Variants in PARP14 observed in about 807,000 individuals in gnomAD.
The protein encoded by PARP14 is protein mono-ADP-ribosyltransferase PARP14.
A neutral mutation model predicts 154.2 loss-of-function variants in PARP14; 59 were observed. That is an observed-to-expected ratio of 0.38 (90% confidence interval 0.31 to 0.48). PARP14 has a LOEUF of 0.48. PARP14 is among the 20% of genes least tolerant of loss of function. The probability of loss-of-function intolerance (pLI) is 0.98; values close to 1 mark genes in which losing one functional copy is unlikely to be tolerated. For synonymous variants in PARP14, 720 were observed against 780.5 expected, an observed-to-expected ratio of 0.92 and a Z score of 1.29; for missense variants, 1,734 against 2,131.6, an observed-to-expected ratio of 0.81 and a Z score of 3.67.
intron 1 of PARP14, among the ~76,000 whole-genome samples, chr3:122,682,859 T>C (rs1938256375): frequency 6.6e-6 from 1 of 151,996 alleles, no homozygotes; most frequent in Non-Finnish European, 1.5e-5. Flanking sequence ...GAGACCATCC[T>C]TGAGCAACAT....
intron 5 of PARP14, among the ~76,000 whole-genome samples, chr3:122,698,114 C>T (rs1457316100): frequency 1.3e-5 from 2 of 152,166 alleles, no homozygotes; most frequent in Admixed American, 1.3e-4. Context: ...TGCCCAGGCT[C>T]AGGGCTGCCA....
At chr3:122,709,498 A>G (rs145682589) in intron 9 of PARP14, among the ~76,000 whole-genome samples, 2 of 152,314 alleles carry the variant, frequency 1.3e-5, no homozygotes, top group African/African-American at 4.8e-5. Context: ...TTGTGCTGCT[A>G]TAAACATGTG....
chr3:122,685,163 T>C (rs375480179), intron 1 of PARP14, 22 bp from the exon 2 acceptor site: 12 of 1,606,554 alleles, frequency 7.5e-6, no homozygotes, highest in Non-Finnish European at 1.0e-5. Flanking sequence ...TTTGTCTTTT[T>C]TCCCCCCTTT....
intron 4 of PARP14, among the ~76,000 whole-genome samples, chr3:122,693,850 AAAAAAGAAAAGAAAAG>A (rs1169245359): frequency 6.8e-6 from 1 of 148,086 alleles, no homozygotes; most frequent in African/African-American, 2.5e-5. Context: ...CTGAAAAAAA[AAAAAAGAAAAGAAAAG>A]AAAAAGAAAA....
At chr3:122,694,272 G>A (rs1325536812) in intron 4 of PARP14, among the ~76,000 whole-genome samples, 2 of 152,094 alleles carry the variant, frequency 1.3e-5, no homozygotes, top group Non-Finnish European at 2.9e-5. Context: ...TATTCCATCT[G>A]CTTGACATAG....
chr3:122,713,873 G>T lies in PARP14; in HGVS notation c.3771G>T (p.Gly1257=). The part of the protein sequence containing the change: ...STSNSFNLKA[G]VSKAILECAG... ...TATCATCTTGATTTTCTCATGTAGG[G>T]GTCTCCAAAGCAATTTTAGAATGTG... Residue 1257 remains glycine, a splice_region_variant and synonymous_variant, in exon 11 of 17, where the codon GGG becomes GGT. Coordinates refer to ENST00000474629, the MANE Select transcript of PARP14 (RefSeq NM_017554.3). The T allele has an allele frequency of 6.2e-7, 1 of 1,603,646 alleles. No individual in the cohort carries two copies. Among genetic ancestry groups the T allele is most frequent in the Non-Finnish European group, 8.5e-7 (1 of 1,170,634 alleles).
chr3:122,701,683 TAGTC>T lies in PARP14; in HGVS notation c.3081+52_3081+55del. 4.5e-6 allele frequency: 6 copies of T among 1,321,928 alleles called. No individual in the cohort carries two copies. The highest frequency in any genetic ancestry group is 6.2e-6 in the Non-Finnish European group (6 of 967,572). 81.9% of individuals were successfully genotyped at this position (1,321,928 alleles called of 1,614,324 possible). On this transcript the variant is annotated intron_variant, in intron 6 of 16. Transcript: ENST00000474629. The surrounding 1 kb of genome is among the most constrained non-coding windows in gnomAD (Gnocchi z 4.0). ...ACCACCAGGGCACTGTGACTTTACT[TAGTC>T]AGTGGCTCTCTCATGGAGGGCTGAA... is the stretch of plus-strand genomic sequence containing the variant.
Position 122,713,476 on chromosome 3 carries a change from T to C in PARP14, c.3672T>C (p.Ile1224=). The stretch of plus-strand genomic sequence containing the variant: ...ATTCAGGTGTGTATGAAATGAAGAT[T>C]GGCTCCATCATCTTCCAGGTGGCTT... ...SPDSGVYEMK[I]GSIIFQVASG... is the part of the protein sequence containing the mutation. Residue 1224 remains isoleucine, a synonymous_variant, in exon 10 of 17, where the codon ATT becomes ATC. Coordinates refer to ENST00000474629, the MANE Select transcript of PARP14 (RefSeq NM_017554.3). 3 of 1,612,818 alleles carry C rather than the reference T, an allele frequency of 1.9e-6. No individual in the cohort carries two copies. The highest frequency in any genetic ancestry group is 2.5e-6 in the Non-Finnish European group (3 of 1,178,852).
intron 9 of PARP14, among the ~76,000 whole-genome samples, chr3:122,710,388 G>A (rs1290582404): frequency 6.6e-6 from 1 of 152,028 alleles, no homozygotes; most frequent in Non-Finnish European, 1.5e-5. Flanking sequence ...TTTATTTCTT[G>A]ACCCTCTATT....
intron 15 of PARP14, chr3:122,720,721 TC>T: frequency 2.2e-6 from 1 of 458,796 alleles, no homozygotes; most frequent in Non-Finnish European, 4.3e-6. Context: ...ATGCAGAGGC[TC>T]CTTAGATCAG....
chr3:122,710,830 T>C (rs1380787015), intron 9 of PARP14, among the ~76,000 whole-genome samples: 1 of 146,598 alleles, frequency 6.8e-6, no homozygotes, highest in Non-Finnish European at 1.5e-5. Context: ...TTTATTTATT[T>C]ATTTATTTAT....
Position 122,699,519 on chromosome 3 carries a change from T to G in PARP14, c.965T>G (p.Phe322Cys), listed in dbSNP as rs748042003. The G allele has an allele frequency of 6.2e-7, 1 of 1,613,996 alleles. No homozygotes were observed. Among genetic ancestry groups the G allele is most frequent in the Non-Finnish European group, 8.5e-7 (1 of 1,179,852 alleles). ...EKPLIKLPAP[F>C]EESLDLPLWK... ...CCTCTGATCAAGCTTCCAGCACCAT[T>G]TGAAGAGTCACTAGATCTTCCCTTA... The change falls in exon 6 of 17, where the codon TTT becomes TGT. Residue 322 changes from phenylalanine to cysteine, a missense_variant. Around this residue, in one of 2 missense-constraint regions of PARP14, gnomAD observed 1,646 missense variants for 1,976.0 expected, o/e 0.83. Transcript: ENST00000474629.
chr3:122,729,449 T>C lies in PARP14; in HGVS notation c.*852T>C, dbSNP rs1047249981. 2 of 154,718 alleles carry C rather than the reference T, an allele frequency of 1.3e-5. No individual in the cohort carries two copies. The highest frequency in any genetic ancestry group is 4.8e-5 in the African/African-American group (2 of 41,314). 9.6% of individuals were successfully genotyped at this position (154,718 alleles called of 1,614,324 possible). A position where few individuals can be genotyped will look rare whatever the true frequency, so the allele number is the denominator to read the frequency against. On this transcript the variant is annotated 3_prime_UTR_variant, in exon 17 of 17. Transcript: ENST00000474629. ...CAAAATGTGCCTTTTTTTTTTTTTT[T>C]TTGAGATGGAGTTTCACTCTTGTTG... is the stretch of plus-strand genomic sequence containing the variant.
chr3:122,708,825 C>G lies in PARP14; in HGVS notation c.3619+557C>G, dbSNP rs193210191. Among the ~76,000 whole-genome samples the G allele has an allele frequency of 5.9e-5, 9 of 151,974 alleles. No individual in the cohort carries two copies. The South Asian group carries it at 1.0e-3, about 18-fold the overall frequency. ...AGAGCTGTTCTCCCCATGCCTACCC[C>G]CCTCAATCCCACTCATCTTTTTTCT... On this transcript the variant is annotated intron_variant, in intron 9 of 16. Transcript: ENST00000474629.
Position 122,701,757 on chromosome 3 carries a change from C to A in PARP14, c.3081+122C>A. ...GAGAATCAAGGGAGAGAATCCCATG[C>A]CTTCCACCCCTGCCTTGAAACAATT... On this transcript the variant is annotated intron_variant, in intron 6 of 16. Coordinates refer to ENST00000474629, the MANE Select transcript of PARP14 (RefSeq NM_017554.3). This position sits in a 1 kb window ranked among gnomAD's most constrained non-coding sequence, Gnocchi z 4.0. 1 of 712,086 alleles carries A rather than the reference C, an allele frequency of 1.4e-6. No individual in the cohort carries two copies. Among genetic ancestry groups the A allele is most frequent in the Non-Finnish European group, 2.3e-6 (1 of 433,506 alleles). 44.1% of individuals were successfully genotyped at this position (712,086 alleles called of 1,614,324 possible).
Position 122,728,418 on chromosome 3 carries a change from G to A in PARP14, c.5227G>A (p.Val1743Ile). The change falls in exon 17 of 17, where the codon GTA becomes ATA. Residue 1743 changes from valine (V) to isoleucine (I), a missense_variant. Val to Ile is a conservative substitution (Grantham distance 29, BLOSUM62 3). Transcript: ENST00000474629. ...GAGAAAGCATGTGTATTATGTGCGA[G>A]TACTTACTGGAATCTATACACATGG... ...NGRKHVYYVR[V>I]LTGIYTHGNH... 1 of 1,613,764 alleles carries A rather than the reference G, an allele frequency of 6.2e-7. No individual in the cohort carries two copies.
At chr3:122,720,808 A>G (rs1245823496) in intron 15 of PARP14, 2 of 456,980 alleles carry the variant, frequency 4.4e-6, no homozygotes, top group Admixed American at 4.7e-5. Flanking sequence ...TTTCTCGTTT[A>G]TCATAATTAT....
intron 1 of PARP14, chr3:122,683,187 A>C (rs1938268089): frequency 5.0e-6 from 2 of 396,114 alleles, no homozygotes; most frequent in Non-Finnish European, 6.9e-6. Flanking sequence ...CCACTTTCTC[A>C]GTAACAAGGG....
At chr3:122,685,770 A>G (rs763280285) in intron 2 of PARP14, among the ~76,000 whole-genome samples, 2 of 151,936 alleles carry the variant, frequency 1.3e-5, no homozygotes, top group African/African-American at 2.4e-5. Flanking sequence ...GGCCTCCCAA[A>G]GTGCTGGGAT....
Sources: allele counts gnomAD v4.1 joint callset (sites outside exome capture counted in the v4.1 genomes callset), GRCh38; gene constraint gnomAD v4.1.1; regional missense constraint gnomAD v4.1.1; non-coding constraint Gnocchi (gnomAD v3.1); transcripts MANE v1.5; gene names NCBI Gene and HGNC (gene_info 2026-07-23, HGNC 2026-07-21).